The following FHIT variants were observed in gnomAD, a reference collection of about 807,000 sequenced individuals.
The protein encoded by FHIT is fragile histidine triad diadenosine triphosphatase.
A neutral mutation model predicts 17.9 loss-of-function variants in FHIT; 19 were observed. That is an observed-to-expected ratio of 1.06 (90% CI 0.74 to 1.56). FHIT has a LOEUF of 1.56. Ranked by LOEUF, FHIT falls within the 40% of genes most tolerant of loss-of-function variation. The pLI is 0.00. For missense variants in FHIT, 248 were observed against 189.2 expected (o/e 1.31, Z -1.82); for synonymous variants, 81 against 69.7 (o/e 1.16, Z -0.81).
intron 2 of FHIT, among the ~76,000 whole-genome samples, chr3:61,062,501 T>C (rs1465260047): frequency 6.6e-6 from 1 of 152,158 alleles, no homozygotes; most frequent in African/African-American, 2.4e-5. Flanking sequence ...TACAAATGGA[T>C]GAATCTCTTG....
chr3:60,452,834 A>G (rs952875616), intron 5 of FHIT, among the ~76,000 whole-genome samples: 7 of 152,322 alleles, frequency 4.6e-5, no homozygotes, highest in African/African-American at 1.7e-4. Flanking sequence ...TTAACTCCAA[A>G]TAAGATAGAT....
intron 5 of FHIT, among the ~76,000 whole-genome samples, chr3:60,020,875 C>A (rs1035273696): frequency 6.6e-6 from 1 of 152,130 alleles, no homozygotes; most frequent in African/African-American, 2.4e-5. Context: ...ACAACGTAAG[C>A]ACTTTGATGG....
At chr3:60,264,690 T>C (rs372647149) in intron 5 of FHIT, among the ~76,000 whole-genome samples, 1 of 151,984 alleles carries the variant, frequency 6.6e-6, no homozygotes, top group African/African-American at 2.4e-5. Flanking sequence ...GGGAGTTGAA[T>C]GTGGACTCTC....
At chr3:61,124,474 A>G (rs1227975146) in intron 2 of FHIT, among the ~76,000 whole-genome samples, 1 of 152,128 alleles carries the variant, frequency 6.6e-6, no homozygotes, top group East Asian at 1.9e-4. Flanking sequence ...GTCAGTTTTC[A>G]TGGTGTAAAT....
intron 4 of FHIT, among the ~76,000 whole-genome samples, chr3:60,801,172 A>AT (rs1224862822): frequency 1.3e-5 from 2 of 152,238 alleles, no homozygotes; most frequent in Non-Finnish European, 2.9e-5. Context: ...TAAACAAGGC[A>AT]TGGAAGAGAT....
chr3:61,008,971 A>G (rs1427963091), intron 3 of FHIT, among the ~76,000 whole-genome samples: 1 of 152,090 alleles, frequency 6.6e-6, no homozygotes, highest in Non-Finnish European at 1.5e-5. Flanking sequence ...TGATACAGCT[A>G]CTCGATAGTT....
At position 61,021,598 on chromosome 3, in the gene FHIT, CAAAAAA is replaced by C. The variant is rs34870709; in HGVS notation, c.-111+20443_-111+20448del. On this transcript the variant is annotated intron_variant, in intron 3 of 9. Transcript: ENST00000492590. ...TGGGCGACAGAGCGAGACTCCGTCT[CAAAAAA>C]AAAAAAAAAAAAAAAAAGAACAGAA... Among the ~76,000 whole-genome samples the C allele has an allele frequency of 2.3e-4, 15 of 63,850 alleles. 1 individual carries two copies. The South Asian group carries it at 9.3e-3, about 39-fold the overall frequency. 41.9% of individuals were successfully genotyped at this position (63,850 alleles called of 152,430 possible).
At chr3:60,417,469 T>C (rs1368442109) in intron 5 of FHIT, among the ~76,000 whole-genome samples, 1 of 152,132 alleles carries the variant, frequency 6.6e-6, no homozygotes, top group Non-Finnish European at 1.5e-5. Flanking sequence ...ATGTTTGGAT[T>C]TGTCTTTCAA....
intron 5 of FHIT, among the ~76,000 whole-genome samples, chr3:60,498,253 G>A (rs1300153185): frequency 6.6e-6 from 1 of 152,088 alleles, no homozygotes; most frequent in Non-Finnish European, 1.5e-5. Context: ...GTTTTAATCA[G>A]TGTAAAAATT....
chr3:60,965,778 C>T (rs111680297), intron 3 of FHIT, among the ~76,000 whole-genome samples: 1,988 of 152,260 alleles, frequency 0.013, 43 homozygotes, highest in African/African-American at 0.044. Context: ...GCAAATGTTG[C>T]TGCCTGATCC....
intron 4 of FHIT, among the ~76,000 whole-genome samples, chr3:60,765,111 G>A (rs1360594498): frequency 6.6e-6 from 1 of 152,138 alleles, no homozygotes; most frequent in Non-Finnish European, 1.5e-5. Context: ...CACTGGGAAT[G>A]GCAGTTACCG....
chr3:60,106,096 T>G lies in FHIT; in HGVS notation c.104-91944A>C, dbSNP rs572237101. ...GGAATCTTTCCTTTGTCCAGCATATTCTGGCTGTATATGCCACTCACCTGT... is the reference window on the plus strand; with the variant it reads ...GGAATCTTTCCTTTGTCCAGCATATGCTGGCTGTATATGCCACTCACCTGT... On this transcript the variant is annotated intron_variant, in intron 5 of 9. Coordinates refer to ENST00000492590, the MANE Select transcript of FHIT (RefSeq NM_002012.4). Among the ~76,000 whole-genome samples the G allele has an allele frequency of 8.5e-5, 13 of 152,342 alleles. No individual in the cohort carries two copies. In the East Asian group the frequency reaches 2.5e-3, roughly 29 times the overall value.
chr3:60,377,582 C>T (rs1039508882), intron 5 of FHIT, among the ~76,000 whole-genome samples: 1 of 143,936 alleles, frequency 6.9e-6, no homozygotes, highest in Non-Finnish European at 1.5e-5. Flanking sequence ...CCCGGGTTCA[C>T]GCCATTCTCC....
intron 5 of FHIT, among the ~76,000 whole-genome samples, chr3:60,475,081 T>C (rs2033277565): frequency 7.1e-6 from 1 of 141,778 alleles, no homozygotes; most frequent in African/African-American, 3.1e-5. Context: ...TATAAACAGA[T>C]AGCTTGGGGG....
intron 7 of FHIT, among the ~76,000 whole-genome samples, chr3:59,928,144 T>C (rs140551104): frequency 7.4e-4 from 112 of 152,304 alleles, no homozygotes; most frequent in Middle Eastern, 3.4e-3. Flanking sequence ...CATGTGCCAA[T>C]GAGCAACTGC....
intron 5 of FHIT, among the ~76,000 whole-genome samples, chr3:60,048,120 A>C (rs1021139246): frequency 1.3e-5 from 2 of 152,088 alleles, no homozygotes; most frequent in South Asian, 4.2e-4. Flanking sequence ...ACGTATAAGA[A>C]CATCAGCCAG....
rs150194378 is a variant in FHIT at position 60,527,760 on chromosome 3, G to A, written c.103+9100C>T. 5.6e-3 allele frequency among the ~76,000 whole-genome samples: 856 copies of A among 152,342 alleles called. 9 individuals are homozygous for A. Among genetic ancestry groups the A allele is most frequent in the Non-Finnish European group, 9.0e-3 (614 of 68,032 alleles). Reference sequence around the variant, plus strand: ...CAACACTAGAAAGTGGGGCTAATGGGAAAGGTTTAAACTCTAGGGAGAAGA... The same window carrying A: ...CAACACTAGAAAGTGGGGCTAATGGAAAAGGTTTAAACTCTAGGGAGAAGA... On this transcript the variant is annotated intron_variant, in intron 5 of 9. Coordinates refer to ENST00000492590, the MANE Select transcript of FHIT (RefSeq NM_002012.4).
intron 8 of FHIT, among the ~76,000 whole-genome samples, chr3:59,762,031 T>G (rs1217949297): frequency 1.3e-5 from 2 of 152,242 alleles, no homozygotes; most frequent in East Asian, 3.9e-4. Flanking sequence ...GGGGCTGTTA[T>G]TAAGGAAAAT....
At chr3:61,078,043 T>G (rs1036290319) in intron 2 of FHIT, among the ~76,000 whole-genome samples, 5 of 151,906 alleles carry the variant, frequency 3.3e-5, no homozygotes, top group Admixed American at 6.6e-5. Flanking sequence ...GGGAGAGCGG[T>G]GGTTAGTTAA....
Sources: allele counts gnomAD v4.1 joint callset (sites outside exome capture counted in the v4.1 genomes callset), GRCh38; gene constraint gnomAD v4.1.1; transcripts MANE v1.5; gene names NCBI Gene and HGNC (gene_info 2026-07-23, HGNC 2026-07-21).